ASB4: variants seen among roughly 807,000 people sequenced by gnomAD.
ASB4 encodes the protein ankyrin repeat and SOCS box protein 4.
In ASB4, 35 loss-of-function variants were observed where a neutral mutation model predicts 38.6. That is an observed-to-expected ratio of 0.91 (90% CI 0.69 to 1.20). ASB4 has a LOEUF of 1.20. Among genes scored for constraint, ASB4 ranks in the 50% most tolerant of loss-of-function variants. The pLI is 0.00. For missense variants in ASB4, 557 were observed against 527.2 expected (o/e 1.06, Z -0.55); for synonymous variants, 195 against 201.3 (o/e 0.97, Z 0.26).
the ASB4 span, among the ~76,000 whole-genome samples, chr7:95,472,704 T>C: frequency 2.0e-5 from 3 of 152,086 alleles, no homozygotes; most frequent in Non-Finnish European, 4.4e-5. Flanking sequence ...CACAGCAGGG[T>C]TAACTACAAG....
chr7:95,502,202 C>G (rs1020637271), intron 2 of ASB4, among the ~76,000 whole-genome samples: 1 of 151,616 alleles, frequency 6.6e-6, no homozygotes, highest in Non-Finnish European at 1.5e-5. Flanking sequence ...ATCATATAAA[C>G]AGCAAATAAA....
chr7:95,482,227 C>A (rs75588952), upstream of ASB4, among the ~76,000 whole-genome samples: 4,869 of 152,014 alleles, frequency 0.032, 246 homozygotes, highest in African/African-American at 0.11. Context: ...TGAAAATTTG[C>A]TTTGTTTGTT....
At chr7:95,496,497 T>C (rs995874989) in intron 2 of ASB4, among the ~76,000 whole-genome samples, 7 of 152,302 alleles carry the variant, frequency 4.6e-5, no homozygotes, top group South Asian at 4.1e-4. Flanking sequence ...TGAATTACTA[T>C]AAAATGTATA....
chr7:95,525,032 G>A (rs1790718304), intron 2 of ASB4, among the ~76,000 whole-genome samples: 1 of 152,128 alleles, frequency 6.6e-6, no homozygotes, highest in Admixed American at 6.5e-5. Context: ...AAATTAACCT[G>A]GTCATGTGAC....
intron 1 of ASB4, among the ~76,000 whole-genome samples, chr7:95,494,633 T>C (rs1215603228): frequency 6.6e-6 from 1 of 152,254 alleles, no homozygotes; most frequent in African/African-American, 2.4e-5. Flanking sequence ...GCCCTCAGTA[T>C]TTTTTCTTTC....
At chr7:95,473,375 C>T in the ASB4 span, among the ~76,000 whole-genome samples, 1 of 152,124 alleles carries the variant, frequency 6.6e-6, no homozygotes, top group African/African-American at 2.4e-5. Context: ...CGTGAAGGAC[C>T]CAAGGCACAG....
chr7:95,498,371 A>G (rs1304831959), intron 2 of ASB4, among the ~76,000 whole-genome samples: 1 of 152,138 alleles, frequency 6.6e-6, no homozygotes, highest in African/African-American at 2.4e-5. Context: ...GGGGTAGATC[A>G]TTAGAATGTT....
intron 2 of ASB4, among the ~76,000 whole-genome samples, chr7:95,517,705 C>T (rs562423056): frequency 3.6e-4 from 55 of 151,956 alleles, no homozygotes; most frequent in African/African-American, 1.3e-3. Context: ...AATTACAGGC[C>T]ACTAGTGATC....
At chr7:95,500,206 T>C (rs1790314929) in intron 2 of ASB4, among the ~76,000 whole-genome samples, 2 of 149,522 alleles carry the variant, frequency 1.3e-5, no homozygotes, top group South Asian at 4.3e-4. Flanking sequence ...GAATGGGAGG[T>C]TCGGGAGAAA....
At chr7:95,483,953 T>C (rs1448612171), upstream of ASB4, among the ~76,000 whole-genome samples, 2 of 152,078 alleles carry the variant, frequency 1.3e-5, no homozygotes, top group East Asian at 1.9e-4. Context: ...ATGGCTCTTT[T>C]TGTTGTTGCT....
At chr7:95,526,054 A>G (rs969727886) in intron 2 of ASB4, among the ~76,000 whole-genome samples, 10 of 152,238 alleles carry the variant, frequency 6.6e-5, no homozygotes, top group African/African-American at 1.9e-4. Flanking sequence ...ACAAAATGCA[A>G]TGTTATCTTT....
chr7:95,535,052 T>TCACACA, intron 3 of ASB4, among the ~76,000 whole-genome samples: 1 of 151,088 alleles, frequency 6.6e-6, no homozygotes. Context: ...ACACACTCAC[T>TCACACA]CACACACACA....
At chr7:95,522,622 A>G (rs1475330630) in intron 2 of ASB4, among the ~76,000 whole-genome samples, 2 of 152,126 alleles carry the variant, frequency 1.3e-5, no homozygotes, top group Admixed American at 1.3e-4. Context: ...GTTGGGAAGC[A>G]CTTATCTGTG....
In ASB4 at chr7:95,532,133, G is replaced by A. The variant is rs531518651; in HGVS notation, c.978+3830G>A. Among the ~76,000 whole-genome samples the A allele has an allele frequency of 5.3e-5, 8 of 152,252 alleles. No individual in the cohort carries two copies. The East Asian group carries it at 7.7e-4, about 15-fold the overall frequency. ...ATTTAGAACAACTACTCCACAGCCC[G>A]ACTTTCCAAAGAGAAAGTCATCTTT... On this transcript the variant is annotated intron_variant, in intron 3 of 4. Transcript: ENST00000325885.
the ASB4 span, among the ~76,000 whole-genome samples, chr7:95,548,384 A>C: frequency 0.013 from 1,971 of 152,310 alleles, 40 homozygotes; most frequent in African/African-American, 0.044. Flanking sequence ...GTCTGTTGGA[A>C]TAGTTTGTCA....
intron 2 of ASB4, among the ~76,000 whole-genome samples, chr7:95,514,587 A>G (rs1790529169): frequency 6.6e-6 from 1 of 152,094 alleles, no homozygotes; most frequent in Admixed American, 6.6e-5. Flanking sequence ...CTCCCTTTAA[A>G]TTCATCATTC....
the ASB4 span, among the ~76,000 whole-genome samples, chr7:95,470,861 A>T: frequency 6.6e-6 from 1 of 152,202 alleles, no homozygotes; most frequent in Non-Finnish European, 1.5e-5. Context: ...TTTATTCAAA[A>T]TTCTTTTAAG....
intron 2 of ASB4, among the ~76,000 whole-genome samples, chr7:95,512,070 T>TGAAG (rs1345923220): frequency 2.0e-5 from 3 of 152,224 alleles, no homozygotes; most frequent in Non-Finnish European, 2.9e-5. Flanking sequence ...CAGCCCCTGA[T>TGAAG]GAAGGGGAAG....
rs1036372558 is a variant in ASB4 at position 95,486,134 on chromosome 7, A to C, written c.163A>C (p.Met55Leu). The C allele has an allele frequency of 1.6e-5, 26 of 1,613,966 alleles. No individual in the cohort carries two copies. The African/African-American group carries it at 2.1e-4, about 13-fold the overall frequency. Residue 55 changes from methionine (M) to leucine (L), a missense_variant, in exon 1 of 5, where the codon ATG becomes CTG. Transcript: ENST00000325885. The part of the protein sequence containing the change: ...DTVFEVEDEN[M>L]VLASYKQGYW... ...TGTTTTTGAAGTCGAAGATGAGAAT[A>C]TGGTTTTGGCATCTTATAAACAAGG... is the stretch of plus-strand genomic sequence containing the variant.
Sources: allele counts gnomAD v4.1 joint callset (sites outside exome capture counted in the v4.1 genomes callset), GRCh38; gene constraint gnomAD v4.1.1; transcripts MANE v1.5; gene names NCBI Gene and HGNC (gene_info 2026-07-23, HGNC 2026-07-21).